Variants in ZFAND3 observed in about 807,000 individuals in gnomAD.
The protein encoded by ZFAND3 is zinc finger AN1-type containing 3.
Under a neutral mutation model 29.6 loss-of-function variants are expected in ZFAND3, and 10 were observed. That is an observed-to-expected ratio of 0.34 (90% confidence interval 0.21 to 0.57). ZFAND3 has a LOEUF of 0.57. Ranked by LOEUF, ZFAND3 falls within the 20% of genes least tolerant of loss-of-function variation. The probability of loss-of-function intolerance (pLI) is 0.86; values close to 1 mark genes in which losing one functional copy is unlikely to be tolerated. For missense variants in ZFAND3, 230 were observed against 304.5 expected, an observed-to-expected ratio of 0.76 and a Z score of 1.82; for synonymous variants, 128 against 112.6, an observed-to-expected ratio of 1.14 and a Z score of -0.87.
At chr6:37,971,328 C>A (rs1040807277) in intron 2 of ZFAND3, among the ~76,000 whole-genome samples, 3 of 152,066 alleles carry the variant, frequency 2.0e-5, no homozygotes, top group Non-Finnish European at 2.9e-5. Flanking sequence ...TCTTTGCAGG[C>A]GAATGAGTCC....
intron 1 of ZFAND3, among the ~76,000 whole-genome samples, chr6:37,857,387 C>G (rs1453126909): frequency 6.6e-6 from 1 of 151,822 alleles, no homozygotes; most frequent in Non-Finnish European, 1.5e-5. Context: ...GTCTGAAAAA[C>G]ATGGTACTGT....
At chr6:37,977,869 T>TTCCTTCCTTCC (rs374121487) in intron 2 of ZFAND3, among the ~76,000 whole-genome samples, 11 of 94,812 alleles carry the variant, frequency 1.2e-4, no homozygotes, top group Non-Finnish European at 1.9e-4. Context: ...CCTTCCTTCC[T>TTCCTTCCTTCC]TTCCTTCTTC....
intron 2 of ZFAND3, among the ~76,000 whole-genome samples, chr6:37,952,431 G>A (rs1167836815): frequency 6.6e-6 from 1 of 152,040 alleles, no homozygotes; most frequent in African/African-American, 2.4e-5. Context: ...TCAATCTTGG[G>A]AGGTTTTATG....
At chr6:37,980,413 C>T (rs531676115) in intron 2 of ZFAND3, among the ~76,000 whole-genome samples, 3 of 152,180 alleles carry the variant, frequency 2.0e-5, no homozygotes, top group African/African-American at 7.2e-5. Context: ...GGTAAAATCT[C>T]TCTTGTATCA....
chr6:37,974,567 G>C (rs1214662674), intron 2 of ZFAND3, among the ~76,000 whole-genome samples: 1 of 151,960 alleles, frequency 6.6e-6, no homozygotes, highest in Non-Finnish European at 1.5e-5. Context: ...CCAACACCTG[G>C]ATAATTTTTG....
At chr6:38,080,994 C>A (rs920604666) in intron 3 of ZFAND3, among the ~76,000 whole-genome samples, 1 of 152,140 alleles carries the variant, frequency 6.6e-6, no homozygotes, top group Non-Finnish European at 1.5e-5. Context: ...GCCTCATTTT[C>A]AAATTCTTGC....
intron 2 of ZFAND3, among the ~76,000 whole-genome samples, chr6:37,933,928 C>T (rs1761645457): frequency 7.2e-6 from 1 of 138,160 alleles, no homozygotes; most frequent in African/African-American, 2.7e-5. Flanking sequence ...GCCCTTGTTG[C>T]CCAGGCTGGA....
At chr6:37,971,209 T>C (rs1762382429) in intron 2 of ZFAND3, among the ~76,000 whole-genome samples, 3 of 152,226 alleles carry the variant, frequency 2.0e-5, no homozygotes, top group Non-Finnish European at 1.5e-5. Context: ...GAACCCATAA[T>C]CTGAGACCTT....
rs182524397 is a variant in ZFAND3 at position 37,914,157 on chromosome 6, A to G, written c.72-15802A>G. Among the ~76,000 whole-genome samples the G allele has an allele frequency of 3.6e-3, 555 of 152,312 alleles. 3 individuals carry two copies. The highest frequency in any genetic ancestry group is 0.014 in the Middle Eastern group (4 of 294). On this transcript the variant is annotated intron_variant, in intron 1 of 5. Coordinates refer to ENST00000287218, the MANE Select transcript of ZFAND3 (RefSeq NM_021943.3). ...AGCATTCATTTCCTTGAACATCTCC[A>G]TCAGAACTCTTGGGTGACCAGGTGT...
At chr6:37,899,349 A>T (rs1765277237) in intron 1 of ZFAND3, among the ~76,000 whole-genome samples, 1 of 152,088 alleles carries the variant, frequency 6.6e-6, no homozygotes, top group South Asian at 2.1e-4. Context: ...GTACCTTCTT[A>T]CTTTTTTCCT....
In ZFAND3 at chr6:38,125,949, T is replaced by G. The variant is rs76767563; in HGVS notation, c.529+9210T>G. 4.2e-3 allele frequency among the ~76,000 whole-genome samples: 646 copies of G among 152,326 alleles called. 3 individuals carry two copies. Among genetic ancestry groups the G allele is most frequent in the Non-Finnish European group, 6.9e-3 (470 of 68,034 alleles). On this transcript the variant is annotated intron_variant, in intron 5 of 5. Transcript: ENST00000287218. ...GATTTTTTAGTTCTTATTACATTAT[T>G]CATTTCTTTTTAAAATCTTTATTCA...
intron 2 of ZFAND3, among the ~76,000 whole-genome samples, chr6:37,986,890 G>GA (rs531760206): frequency 0.012 from 1,793 of 150,028 alleles, 14 homozygotes; most frequent in Middle Eastern, 0.031. Flanking sequence ...TATGTCAGTG[G>GA]AAAAAAAAAA....
chr6:37,886,163 A>C (rs553601114), intron 1 of ZFAND3, among the ~76,000 whole-genome samples: 4 of 137,580 alleles, frequency 2.9e-5, no homozygotes, highest in African/African-American at 1.1e-4. Flanking sequence ...GCTTGAACCC[A>C]GGAGGTGGAG....
chr6:37,854,151 A>C (rs1490046679), intron 1 of ZFAND3, among the ~76,000 whole-genome samples: 2 of 151,904 alleles, frequency 1.3e-5, no homozygotes, highest in Non-Finnish European at 2.9e-5. Context: ...GGGTTTTTCC[A>C]TGTTGGTCAG....
chr6:38,150,947 T>C (rs1267175442), intron 5 of ZFAND3, among the ~76,000 whole-genome samples: 2 of 152,040 alleles, frequency 1.3e-5, no homozygotes, highest in Non-Finnish European at 2.9e-5. Flanking sequence ...CCTGGAGGTG[T>C]GGTGAGATAA....
In ZFAND3 at chr6:37,942,270, TA is replaced by T. The variant is rs200029967; in HGVS notation, c.112+12272del. On this transcript the variant is annotated intron_variant, in intron 2 of 5. Coordinates refer to ENST00000287218, the MANE Select transcript of ZFAND3 (RefSeq NM_021943.3). Reference sequence around the variant, plus strand: ...GCCATTATAAAAGATCATATATATATATTTTTTTTTCTTTGAAAAGAAGGGT... The same window carrying T: ...GCCATTATAAAAGATCATATATATATTTTTTTTTTCTTTGAAAAGAAGGGT... Among the ~76,000 whole-genome samples, 141 of 136,876 alleles carry T rather than the reference TA, an allele frequency of 1.0e-3. 2 individuals are homozygous for T. Among genetic ancestry groups the T allele is most frequent in the East Asian group, 7.6e-3 (39 of 5,118 alleles). The allele number at this position is 136,876 out of a possible 152,430, so 89.8% of individuals were successfully genotyped here.
At chr6:37,828,469 G>C (rs1211850597) in intron 1 of ZFAND3, among the ~76,000 whole-genome samples, 2 of 152,148 alleles carry the variant, frequency 1.3e-5, no homozygotes, top group African/African-American at 2.4e-5. Context: ...TTTACGATGA[G>C]ACACATAAAG....
chr6:38,129,010 G>A (rs558492534), intron 5 of ZFAND3, among the ~76,000 whole-genome samples: 37 of 152,218 alleles, frequency 2.4e-4, no homozygotes, highest in African/African-American at 8.7e-4. Context: ...TTGATTTTTT[G>A]ATTATGATCA....
chr6:38,048,256 G>A (rs553604729), intron 2 of ZFAND3, among the ~76,000 whole-genome samples: 58 of 151,874 alleles, frequency 3.8e-4, no homozygotes, highest in Admixed American at 6.6e-4. Context: ...GCCCACCTCC[G>A]CCCCTCAAAG....
Sources: gnomAD v4.1 joint callset for allele counts (sites outside exome capture counted in the v4.1 genomes callset) on GRCh38, gnomAD v4.1.1 for gene constraint, MANE v1.5 for transcripts, NCBI Gene and HGNC (gene_info 2026-07-23, HGNC 2026-07-21) for gene names.